Variants in FAT3 observed in about 807,000 individuals in gnomAD.
FAT3 encodes protocadherin Fat 3.
FAT3 carries 95 observed loss-of-function variants against 310.2 expected under a neutral mutation model. The ratio of observed to expected loss-of-function variants is 0.31; its 90% CI spans 0.26 to 0.36. The LOEUF is 0.36. Ranked by LOEUF, FAT3 falls within the 10% of genes least tolerant of loss-of-function variation. The pLI, the probability that FAT3 is intolerant of heterozygous loss-of-function variation, is 1.00. For missense variants in FAT3, 5,408 were observed against 5,715.6 expected, an observed-to-expected ratio of 0.95 and a Z score of 1.74; for synonymous variants, 2,314 against 2,192.9, an observed-to-expected ratio of 1.06 and a Z score of -1.54.
rs1948264787 is a variant in FAT3, at chr11:92,831,806, C to T, written c.9666C>T (p.Val3222=). The change falls in exon 14 of 28, where the codon GTC becomes GTT. Residue 3222 remains valine, a synonymous_variant. Coordinates refer to ENST00000525166, the MANE Select transcript of FAT3 (RefSeq NM_001367949.2). The stretch of plus-strand genomic sequence containing the variant: ...AGTCCCTGTCCTCTCTCACTACTGT[C>T]ACCATCACCGTTCTGGACATTAATG... ...PGQSLSSLTT[V]TITVLDINDN... is the part of the protein sequence containing the mutation. 1 of 1,613,616 alleles carries T rather than the reference C, an allele frequency of 6.2e-7. No homozygotes were observed. Among genetic ancestry groups the T allele is most frequent in the Non-Finnish European group, 8.5e-7 (1 of 1,179,764 alleles).
chr11:92,450,636 G>T (rs569474139), intron 2 of FAT3, among the ~76,000 whole-genome samples: 39 of 152,254 alleles, frequency 2.6e-4, no homozygotes, highest in Non-Finnish European at 5.4e-4. Flanking sequence ...TGGGAATTTG[G>T]ACCTGTATCT....
At position 92,607,248 on chromosome 11, in the gene FAT3, C is replaced by G. The variant is rs191582829; in HGVS notation, c.3607+82300C>G. 7.0e-4 allele frequency among the ~76,000 whole-genome samples: 106 copies of G among 151,986 alleles called. 1 individual carries two copies. The East Asian group carries it at 0.016, about 23-fold the overall frequency. On this transcript the variant is annotated intron_variant, in intron 3 of 27. Coordinates refer to ENST00000525166, the MANE Select transcript of FAT3 (RefSeq NM_001367949.2). ...CTTATGATATGATTTCCCTTGTAGCCTCTCATCTCTTCATGCATCACCCTG... is the reference window on the plus strand; with the variant it reads ...CTTATGATATGATTTCCCTTGTAGCGTCTCATCTCTTCATGCATCACCCTG...
intron 20 of FAT3, among the ~76,000 whole-genome samples, chr11:92,857,927 T>C (rs577919506): frequency 1.3e-4 from 20 of 152,368 alleles, no homozygotes; most frequent in African/African-American, 4.3e-4. Flanking sequence ...AATGATCCTG[T>C]TTCTGATCTT....
At chr11:92,316,412 A>T (rs1289999492) in intron 1 of FAT3, among the ~76,000 whole-genome samples, 2 of 152,164 alleles carry the variant, frequency 1.3e-5, no homozygotes, top group Admixed American at 1.3e-4. Flanking sequence ...AGTTGCTTTG[A>T]TTAAAAAAAA....
chr11:92,595,879 C>T (rs539784021), intron 3 of FAT3, among the ~76,000 whole-genome samples: 3 of 152,270 alleles, frequency 2.0e-5, no homozygotes, highest in South Asian at 4.1e-4. Flanking sequence ...AACCTTCTGT[C>T]GTGCTGTCAT....
chr11:92,255,842 A>G (rs1222365787), intron 1 of FAT3, among the ~76,000 whole-genome samples: 1 of 152,172 alleles, frequency 6.6e-6, no homozygotes, highest in East Asian at 1.9e-4. Flanking sequence ...CATGTCATTC[A>G]TATTTCACAC....
intron 4 of FAT3, among the ~76,000 whole-genome samples, chr11:92,701,638 A>G (rs1181767853): frequency 1.3e-5 from 2 of 152,232 alleles, no homozygotes; most frequent in Non-Finnish European, 2.9e-5. Flanking sequence ...TCAAAGTCGT[A>G]TACCTTCCTT....
intron 2 of FAT3, among the ~76,000 whole-genome samples, chr11:92,374,968 T>C (rs534744204): frequency 6.6e-6 from 1 of 152,292 alleles, no homozygotes; most frequent in Non-Finnish European, 1.5e-5. Flanking sequence ...TTTAGAGGAA[T>C]TCCATTCTAG....
intron 1 of FAT3, among the ~76,000 whole-genome samples, chr11:92,308,855 T>TA (rs533143417): frequency 2.7e-3 from 401 of 148,872 alleles, no homozygotes; most frequent in African/African-American, 5.3e-3. Flanking sequence ...ACAAAGGAAA[T>TA]AAAAAAAAAA....
At chr11:92,577,398 A>G (rs1938539439) in intron 3 of FAT3, among the ~76,000 whole-genome samples, 1 of 152,012 alleles carries the variant, frequency 6.6e-6, no homozygotes, top group Non-Finnish European at 1.5e-5. Context: ...ATGAGCCACC[A>G]CACCCAGCCT....
intron 1 of FAT3, among the ~76,000 whole-genome samples, chr11:92,236,931 A>G (rs1864446788): frequency 6.6e-6 from 1 of 152,130 alleles, no homozygotes; most frequent in Admixed American, 6.5e-5. Flanking sequence ...ACATGTCTAT[A>G]AGCAGATGAG....
intron 2 of FAT3, among the ~76,000 whole-genome samples, chr11:92,523,151 G>A (rs556952841): frequency 7.2e-5 from 11 of 151,812 alleles, no homozygotes; most frequent in South Asian, 2.1e-4. Flanking sequence ...ACATCACTGC[G>A]TTTATAATAG....
At chr11:92,859,664 G>A (rs771290569) in intron 21 of FAT3, among the ~76,000 whole-genome samples, 20 of 152,204 alleles carry the variant, frequency 1.3e-4, no homozygotes, top group Non-Finnish European at 2.2e-4. Flanking sequence ...TGGCTGTATC[G>A]TTTTCTACCA....
chr11:92,783,092 G>A (rs1424756828), intron 7 of FAT3, among the ~76,000 whole-genome samples: 1 of 152,144 alleles, frequency 6.6e-6, no homozygotes, highest in African/African-American at 2.4e-5. Flanking sequence ...GGGTGCAATG[G>A]CTCACGCCTG....
intron 1 of FAT3, among the ~76,000 whole-genome samples, chr11:92,275,251 T>C (rs1267383625): frequency 1.3e-5 from 2 of 152,010 alleles, no homozygotes; most frequent in Admixed American, 1.3e-4. Context: ...AAGACGTTTA[T>C]CTCTCTTTTC....
intron 1 of FAT3, among the ~76,000 whole-genome samples, chr11:92,284,319 G>C (rs1378573662): frequency 1.3e-5 from 2 of 151,606 alleles, no homozygotes; most frequent in Non-Finnish European, 2.9e-5. Context: ...GTAGAGGGTG[G>C]GGTTCACAAT....
At chr11:92,880,101 T>C (rs1313699039) in intron 22 of FAT3, among the ~76,000 whole-genome samples, 3 of 151,652 alleles carry the variant, frequency 2.0e-5, no homozygotes, top group Non-Finnish European at 4.4e-5. Flanking sequence ...ATTATATTAC[T>C]ACCAATTTCT....
chr11:92,816,311 TC>T (rs1947825468), intron 13 of FAT3, among the ~76,000 whole-genome samples: 1 of 152,170 alleles, frequency 6.6e-6, no homozygotes, highest in South Asian at 2.1e-4. Flanking sequence ...ATCTAGTGAC[TC>T]AGAAATCTGG....
intron 3 of FAT3, among the ~76,000 whole-genome samples, chr11:92,652,457 C>T (rs536863483): frequency 6.6e-4 from 100 of 152,296 alleles, no homozygotes; most frequent in South Asian, 2.3e-3. Context: ...GATAAATTTA[C>T]GGAAAAATCT....
Sources: allele counts gnomAD v4.1 joint callset (sites outside exome capture counted in the v4.1 genomes callset), GRCh38; gene constraint gnomAD v4.1.1; transcripts MANE v1.5; gene names NCBI Gene and HGNC (gene_info 2026-07-23, HGNC 2026-07-21).